The following PACRG variants were observed in gnomAD, a reference collection of about 807,000 sequenced individuals.
PACRG encodes the protein parkin coregulated gene protein.
Under a neutral mutation model 29.7 loss-of-function variants are expected in PACRG, and 29 were observed. The observed-to-expected ratio is 0.98, with a 90% CI of 0.73 to 1.33. PACRG has a LOEUF of 1.33. PACRG is among the 40% of genes most tolerant of loss of function. The pLI, the probability that PACRG is intolerant of heterozygous loss-of-function variation, is 0.00. For synonymous variants in PACRG, 116 were observed against 118.7 expected (o/e 0.98, Z 0.15); for missense variants, 279 against 316.2 (o/e 0.88, Z 0.89).
At chr6:162,727,600 G>T, upstream of PACRG, 8 of 1,528,224 alleles carry the variant, frequency 5.2e-6, no homozygotes, top group Non-Finnish European at 5.3e-6. Context: ...GAGGCGGGGC[G>T]TGGCGCCATA....
intron 4 of PACRG, among the ~76,000 whole-genome samples, chr6:163,103,935 T>C (rs995209057): frequency 6.6e-6 from 1 of 152,168 alleles, no homozygotes; most frequent in African/African-American, 2.4e-5. Flanking sequence ...AATAAGCAGG[T>C]CCTCCTTCCA....
chr6:163,015,281 G>T (rs998847375), intron 2 of PACRG, among the ~76,000 whole-genome samples: 3 of 152,020 alleles, frequency 2.0e-5, no homozygotes, highest in African/African-American at 7.2e-5. Context: ...TCAGATAATG[G>T]GATGCCTCTG....
chr6:163,121,812 G>A (rs1175570766), intron 4 of PACRG, among the ~76,000 whole-genome samples: 2 of 151,562 alleles, frequency 1.3e-5, no homozygotes, highest in African/African-American at 2.4e-5. Context: ...ACAGGTACCC[G>A]CCACCATGCC....
intron 3 of PACRG, among the ~76,000 whole-genome samples, chr6:163,078,266 C>T (rs962788112): frequency 1.3e-5 from 2 of 152,056 alleles, no homozygotes; most frequent in Admixed American, 6.6e-5. Flanking sequence ...TCTGGGAGGC[C>T]GAGGTGGGTG....
rs147397650 is a variant in PACRG at position 162,949,290 on chromosome 6, A to G, written c.292-112860A>G. On this transcript the variant is annotated intron_variant, in intron 2 of 4. Transcript: ENST00000366888. ...GTGCATGTTCTCCCTCATATGTGGG[A>G]GCTTAAAAAATGTTGGTTTTATGGA... is the stretch of plus-strand genomic sequence containing the variant. Among the ~76,000 whole-genome samples, 41 of 152,282 alleles carry G rather than the reference A, an allele frequency of 2.7e-4. No homozygotes were observed. The East Asian group carries it at 7.5e-3, about 28-fold the overall frequency.
At chr6:163,277,628 T>C (rs1237749832) in intron 4 of PACRG, among the ~76,000 whole-genome samples, 3 of 147,060 alleles carry the variant, frequency 2.0e-5, no homozygotes, top group African/African-American at 7.9e-5. Flanking sequence ...TATACATATA[T>C]ACATACGTGT....
At chr6:163,000,560 G>A (rs1249599502) in intron 2 of PACRG, among the ~76,000 whole-genome samples, 3 of 152,162 alleles carry the variant, frequency 2.0e-5, no homozygotes, top group Non-Finnish European at 4.4e-5. Context: ...TTAAACTGTA[G>A]CTCTGGCATT....
At chr6:163,255,582 C>G (rs965277531) in intron 4 of PACRG, among the ~76,000 whole-genome samples, 1 of 151,932 alleles carries the variant, frequency 6.6e-6, no homozygotes, top group Non-Finnish European at 1.5e-5. Context: ...GGCGACCCAC[C>G]CAATCACCTG....
intron 1 of PACRG, among the ~76,000 whole-genome samples, chr6:162,785,072 C>A (rs1030716580): frequency 5.9e-5 from 9 of 151,762 alleles, no homozygotes; most frequent in African/African-American, 2.2e-4. Context: ...CAGCCTAAAG[C>A]AGATTTTATA....
At chr6:163,084,267 A>G (rs1192248477) in intron 3 of PACRG, among the ~76,000 whole-genome samples, 1 of 152,214 alleles carries the variant, frequency 6.6e-6, no homozygotes, top group Non-Finnish European at 1.5e-5. Flanking sequence ...CTTCTCTTTC[A>G]AGCTACAAAA....
intron 2 of PACRG, among the ~76,000 whole-genome samples, chr6:162,984,853 G>A (rs886379994): frequency 5.1e-5 from 6 of 118,486 alleles, no homozygotes; most frequent in African/African-American, 1.4e-4. Context: ...TTTTTGATGC[G>A]ATTGGTTTTT....
chr6:163,224,343 T>C (rs540863109), intron 4 of PACRG, among the ~76,000 whole-genome samples: 3 of 96,966 alleles, frequency 3.1e-5, no homozygotes, highest in East Asian at 8.9e-4. Flanking sequence ...CACTGTAGCC[T>C]GGGCAACAGA....
chr6:162,913,054 C>T (rs1796422757), intron 2 of PACRG, among the ~76,000 whole-genome samples: 1 of 152,172 alleles, frequency 6.6e-6, no homozygotes, highest in South Asian at 2.1e-4. Context: ...ACATTTATGC[C>T]TATTGTTCCA....
At chr6:162,810,899 C>T (rs1021960570) in intron 1 of PACRG, among the ~76,000 whole-genome samples, 1 of 152,110 alleles carries the variant, frequency 6.6e-6, no homozygotes, top group African/African-American at 2.4e-5. Context: ...TGAAAACTTT[C>T]TAAATTTGGC....
intron 3 of PACRG, among the ~76,000 whole-genome samples, chr6:163,086,817 A>T (rs1260442731): frequency 2.0e-5 from 3 of 152,146 alleles, no homozygotes; most frequent in Admixed American, 1.3e-4. Flanking sequence ...CTCAGTTATA[A>T]GTCTTGGAAA....
At chr6:163,310,718 C>T (rs1205683392) in intron 4 of PACRG, 1 of 152,226 alleles carries the variant, frequency 6.6e-6, no homozygotes, top group East Asian at 1.9e-4. Context: ...AGTTTGCACA[C>T]AGTCTAGAAT....
At chr6:163,036,467 T>C (rs6936045) in intron 2 of PACRG, among the ~76,000 whole-genome samples, 83,261 of 152,084 alleles carry the variant, frequency 0.55, 25,044 homozygotes, top group East Asian at 0.96. Flanking sequence ...ATTTCATGAA[T>C]TGAAAGTGCA....
At chr6:162,837,183 G>T (rs1204112632) in intron 2 of PACRG, among the ~76,000 whole-genome samples, 3 of 152,136 alleles carry the variant, frequency 2.0e-5, no homozygotes, top group Non-Finnish European at 4.4e-5. Context: ...GTCCTGCGTA[G>T]ATAGTGGGGG....
At chr6:163,172,458 G>C (rs774810241) in intron 4 of PACRG, among the ~76,000 whole-genome samples, 1 of 152,156 alleles carries the variant, frequency 6.6e-6, no homozygotes. Flanking sequence ...TTCAGGCCGT[G>C]GAATAATTTG....
Sources: gnomAD v4.1 joint callset for allele counts (sites outside exome capture counted in the v4.1 genomes callset) on GRCh38, gnomAD v4.1.1 for gene constraint, MANE v1.5 for transcripts, NCBI Gene and HGNC (gene_info 2026-07-23, HGNC 2026-07-21) for gene names.